The following CSMD2 variants were observed in gnomAD, a reference collection of about 807,000 sequenced individuals.
CSMD2 encodes the protein CUB and Sushi multiple domains 2.
CSMD2 carries 130 observed loss-of-function variants against 398.5 expected under a neutral mutation model. The ratio of observed to expected loss-of-function variants is 0.33; its 90% CI spans 0.28 to 0.38. The LOEUF (loss-of-function observed/expected upper bound fraction) is 0.38. Ranked by LOEUF, CSMD2 falls within the 10% of genes least tolerant of loss-of-function variation. CSMD2 has a pLI of 1.00. For synonymous variants in CSMD2, 1,828 were observed against 1,908.5 expected (o/e 0.96, Z 1.10); for missense variants, 3,829 against 4,764.9 (o/e 0.80, Z 5.78).
At chr1:33,637,168 C>T (rs1183097035) in intron 29 of CSMD2, among the ~76,000 whole-genome samples, 1 of 152,188 alleles carries the variant, frequency 6.6e-6, no homozygotes, top group Admixed American at 6.5e-5. Flanking sequence ...GCAGGTTCTT[C>T]TGAGTGCATG....
intron 1 of CSMD2, among the ~76,000 whole-genome samples, chr1:34,151,821 C>T (rs995233330): frequency 2.0e-5 from 3 of 148,388 alleles, no homozygotes; most frequent in Non-Finnish European, 3.0e-5. Context: ...CCCTCCCCCC[C>T]CTTCTCTCTT....
intron 3 of CSMD2, among the ~76,000 whole-genome samples, chr1:33,960,369 C>T (rs763841773): frequency 1.1e-4 from 16 of 152,232 alleles, no homozygotes; most frequent in Non-Finnish European, 1.8e-4. Flanking sequence ...ACAAAATCCA[C>T]GGGAGGTAGA....
chr1:33,968,374 T>C (rs1645636989), intron 3 of CSMD2, among the ~76,000 whole-genome samples: 1 of 152,236 alleles, frequency 6.6e-6, no homozygotes, highest in Non-Finnish European at 1.5e-5. Flanking sequence ...TGGCTTCTTG[T>C]ATTCCCATCC....
In CSMD2 at chr1:33,571,578, C is replaced by G. The variant is rs572450861; in HGVS notation, c.7911G>C (p.Gln2637His). The change falls in exon 51 of 71, where the codon CAG becomes CAC. Residue 2637 changes from glutamine (Q) to histidine (H), a missense_variant. Around this residue, in one of 5 missense-constraint regions of CSMD2, gnomAD observed 723 missense variants for 758.6 expected, o/e 0.95. Coordinates refer to ENST00000373381, the MANE Select transcript of CSMD2 (RefSeq NM_001281956.2). ...YYTGQRVIRCQANGKWSLGDS... is the reference protein window; with the variant it reads ...YYTGQRVIRCHANGKWSLGDS... Reference sequence around the variant, plus strand: ...CCCCGAGGCTCCATTTGCCATTGGCCTGACAGCGGATGACCCTTTGGCCAG... The same window carrying G: ...CCCCGAGGCTCCATTTGCCATTGGCGTGACAGCGGATGACCCTTTGGCCAG... The G allele has an allele frequency of 9.7e-6, 15 of 1,541,728 alleles. No individual in the cohort carries two copies. In the South Asian group the frequency reaches 1.9e-4, roughly 19 times the overall value.
intron 67 of CSMD2, among the ~76,000 whole-genome samples, chr1:33,522,803 T>G (rs1392655020): frequency 6.6e-6 from 1 of 152,218 alleles, no homozygotes; most frequent in African/African-American, 2.4e-5. Context: ...GAGATCCAGC[T>G]TCCACCTCAA....
chr1:33,652,282 C>G (rs984960430), intron 28 of CSMD2, 41 bp downstream of exon 28: 5 of 1,610,010 alleles, frequency 3.1e-6, no homozygotes, highest in Non-Finnish European at 4.2e-6. Context: ...CCCCTAGCCA[C>G]TCTGAACCCT....
At chr1:34,066,380 T>C in intron 2 of CSMD2, among the ~76,000 whole-genome samples, 1 of 152,156 alleles carries the variant, frequency 6.6e-6, no homozygotes, top group African/African-American at 2.4e-5. Context: ...GGAATTTCCT[T>C]TCCCTCGGAA....
Position 33,605,339 on chromosome 1 carries a change from G to A in CSMD2, c.6475C>T (p.Leu2159Phe), listed in dbSNP as rs912663123. 2.5e-6 allele frequency: 4 copies of A among 1,614,086 alleles called. No individual in the cohort carries two copies. The highest frequency in any genetic ancestry group is 3.4e-6 in the Non-Finnish European group (4 of 1,180,048). ...PGYQLTGHPV[L>F]TCQHGTNRNW... is the part of the protein sequence containing the mutation. ...CGGTTGGTGCCATGTTGACACGTGA[G>A]GACAGGGTGGCCAGTCAATTGATAC... The change falls in exon 42 of 71, where the codon CTC (leucine) becomes TTC (phenylalanine). Residue 2159 changes from leucine to phenylalanine, a missense_variant. Leu to Phe is a conservative substitution (Grantham distance 22, BLOSUM62 0). Coordinates refer to ENST00000373381, the MANE Select transcript of CSMD2 (RefSeq NM_001281956.2).
rs79774747 is a variant in CSMD2, at chr1:33,902,943, C to T, written c.920+15151G>A. Among the ~76,000 whole-genome samples, 349 of 152,298 alleles carry T rather than the reference C, an allele frequency of 2.3e-3. 3 individuals carry two copies. The highest frequency in any genetic ancestry group is 8.1e-3 in the African/African-American group (336 of 41,566). ...TGGCAAATTGATTTCACCCCAACCC[C>T]AGGGTGGGCAAGCAGACAGTACCCA... On this transcript the variant is annotated intron_variant, in intron 5 of 70. Coordinates refer to ENST00000373381, the MANE Select transcript of CSMD2 (RefSeq NM_001281956.2).
chr1:33,740,825 ACG>A (rs1647035198), intron 14 of CSMD2, among the ~76,000 whole-genome samples: 2 of 152,250 alleles, frequency 1.3e-5, no homozygotes, highest in South Asian at 4.1e-4. Flanking sequence ...ACACACATAC[ACG>A]CGCGCGCGTG....
intron 3 of CSMD2, among the ~76,000 whole-genome samples, chr1:34,025,578 G>A (rs143851832): frequency 3.3e-4 from 50 of 152,238 alleles, no homozygotes; most frequent in African/African-American, 9.6e-4. Context: ...GTGTGAGTAC[G>A]TGTACATGCA....
intron 12 of CSMD2, among the ~76,000 whole-genome samples, chr1:33,786,742 C>T (rs995616693): frequency 6.6e-6 from 1 of 152,188 alleles, no homozygotes; most frequent in Non-Finnish European, 1.5e-5. Flanking sequence ...GAGTCTGTCA[C>T]CCCATAAGTA....
chr1:33,599,558 G>C (rs1344477745), intron 44 of CSMD2: 1 of 152,212 alleles, frequency 6.6e-6, no homozygotes, highest in African/African-American at 2.4e-5. Context: ...AAGTTACATA[G>C]CTTGCATGTG....
chr1:33,642,008 A>C (rs1643134904), intron 29 of CSMD2, among the ~76,000 whole-genome samples: 1 of 152,192 alleles, frequency 6.6e-6, no homozygotes, highest in Admixed American at 6.5e-5. Context: ...GTTCCCTCAG[A>C]TGATCCTTTG....
chr1:33,772,492 G>T, intron 13 of CSMD2, 77 bp downstream of exon 13: 1 of 1,401,754 alleles, frequency 7.1e-7, no homozygotes, highest in South Asian at 1.3e-5. Context: ...CCAGGGACGG[G>T]GCCCCTGGAT....
chr1:33,831,709 C>T (rs545440497), intron 6 of CSMD2, among the ~76,000 whole-genome samples: 30 of 152,198 alleles, frequency 2.0e-4, no homozygotes, highest in East Asian at 5.8e-4. Context: ...TAAAAGACAT[C>T]GACTGGTAAA....
At chr1:33,736,751 G>A (rs2149238344) in intron 15 of CSMD2, among the ~76,000 whole-genome samples, 1 of 152,300 alleles carries the variant, frequency 6.6e-6, no homozygotes, top group South Asian at 2.1e-4. Flanking sequence ...TCACAGTCTT[G>A]TTGGGCAGAC....
intron 1 of CSMD2, among the ~76,000 whole-genome samples, chr1:34,158,637 G>A (rs1641025295): frequency 6.6e-6 from 1 of 152,208 alleles, no homozygotes; most frequent in South Asian, 2.1e-4. Flanking sequence ...ATATTTCTAA[G>A]AGGCTGGTGC....
At chr1:34,165,327 G>A (rs1311302889), upstream of CSMD2, 2 of 1,198,480 alleles carry the variant, frequency 1.7e-6, no homozygotes, top group South Asian at 4.0e-5. Flanking sequence ...GGGGGCGGGA[G>A]GGGGTGAATT....
Sources: allele counts gnomAD v4.1 joint callset (sites outside exome capture counted in the v4.1 genomes callset), GRCh38; gene constraint gnomAD v4.1.1; regional missense constraint gnomAD v4.1.1; transcripts MANE v1.5; gene names NCBI Gene and HGNC (gene_info 2026-07-23, HGNC 2026-07-21).